Variants in MEIS2 observed in about 807,000 individuals in gnomAD.
The protein encoded by MEIS2 is homeobox protein Meis2.
A neutral mutation model predicts 58.6 loss-of-function variants in MEIS2; 9 were observed. The ratio of observed to expected loss-of-function variants is 0.15; its 90% CI spans 0.09 to 0.27. The LOEUF is 0.27. Among genes scored for constraint, MEIS2 ranks in the 10% least tolerant of loss-of-function variants. MEIS2 has a pLI of 1.00. For synonymous variants in MEIS2, 221 were observed against 228.4 expected (o/e 0.97, Z 0.29); for missense variants, 427 against 635.0 (o/e 0.67, Z 3.52).
intron 7 of MEIS2, among the ~76,000 whole-genome samples, chr15:37,063,527 TG>T (rs1889527134): frequency 6.6e-6 from 1 of 152,202 alleles, no homozygotes; most frequent in South Asian, 2.1e-4. Flanking sequence ...CACAAGCTTA[TG>T]AGGATTAAAT....
intron 8 of MEIS2, among the ~76,000 whole-genome samples, chr15:37,017,808 C>T (rs905960929): frequency 1.3e-5 from 2 of 152,282 alleles, no homozygotes; most frequent in East Asian, 1.9e-4. Context: ...TCTCACACCC[C>T]TCTTTTGTGT....
chr15:36,924,679 C>T (rs16964333), intron 9 of MEIS2, among the ~76,000 whole-genome samples: 4,659 of 152,222 alleles, frequency 0.031, 184 homozygotes, highest in African/African-American at 0.093. Flanking sequence ...CTTACGGGAG[C>T]GGACCTGCTG....
intron 8 of MEIS2, among the ~76,000 whole-genome samples, chr15:36,988,466 G>A (rs2060163988): frequency 7.0e-6 from 1 of 143,222 alleles, no homozygotes; most frequent in South Asian, 2.3e-4. Flanking sequence ...CCTTCAGACA[G>A]CAAAAATATT....
intron 9 of MEIS2, among the ~76,000 whole-genome samples, chr15:36,934,424 G>T (rs12148292): frequency 0.12 from 17,813 of 152,180 alleles, 1,113 homozygotes; most frequent in East Asian, 0.21. Context: ...TTCTCAAGAT[G>T]ATAGTTTAAT....
chr15:36,993,840 T>C (rs1247405567), intron 8 of MEIS2, among the ~76,000 whole-genome samples: 1 of 152,146 alleles, frequency 6.6e-6, no homozygotes, highest in Non-Finnish European at 1.5e-5. Context: ...TAAATTATGG[T>C]ACTAATAGAG....
intron 3 of MEIS2, chr15:37,095,821 G>A (rs1567294676): frequency 1.5e-6 from 1 of 661,998 alleles, no homozygotes; most frequent in Non-Finnish European, 2.5e-6. Context: ...GGGGGACCTG[G>A]TACGACTAAG....
intron 9 of MEIS2, among the ~76,000 whole-genome samples, chr15:36,927,884 C>G (rs1169900611): frequency 6.6e-6 from 1 of 152,042 alleles, no homozygotes; most frequent in Non-Finnish European, 1.5e-5. Context: ...TTATAAAACT[C>G]AGGTATTTAA....
intron 8 of MEIS2, among the ~76,000 whole-genome samples, chr15:37,015,821 C>T (rs2061333315): frequency 6.6e-6 from 1 of 152,064 alleles, no homozygotes; most frequent in African/African-American, 2.4e-5. Context: ...TCTAGATATC[C>T]TCGTGGTGGT....
At chr15:36,972,830 A>T (rs1330397113) in intron 8 of MEIS2, 3 of 152,184 alleles carry the variant, frequency 2.0e-5, no homozygotes, top group African/African-American at 7.2e-5. Context: ...GAAAAGCAGT[A>T]AAGCCCCGAC....
chr15:37,009,787 G>GA lies in MEIS2; in HGVS notation c.900+27026dup, dbSNP rs1006643397. On this transcript the variant is annotated intron_variant, in intron 8 of 11. Transcript: ENST00000561208. The stretch of plus-strand genomic sequence containing the variant: ...ATCTGGAGATTGAAAAGGAGGGTCT[G>GA]AAAAAAATTGATTTGGGTACAAAAA... 4.6e-5 allele frequency among the ~76,000 whole-genome samples: 7 copies of GA among 152,152 alleles called. No individual in the cohort carries two copies. The East Asian group carries it at 1.2e-3, about 25-fold the overall frequency.
At chr15:36,921,650 G>C (rs926741355) in intron 9 of MEIS2, among the ~76,000 whole-genome samples, 1 of 151,706 alleles carries the variant, frequency 6.6e-6, no homozygotes, top group African/African-American at 2.4e-5. Flanking sequence ...TTGTGTTTCA[G>C]CACCACTTAG....
intron 7 of MEIS2, among the ~76,000 whole-genome samples, chr15:37,064,003 T>G (rs1889594916): frequency 6.6e-6 from 1 of 152,186 alleles, no homozygotes; most frequent in African/African-American, 2.4e-5. Flanking sequence ...TTGTCCCATA[T>G]ATGAAAAACT....
chr15:37,088,934 T>C (rs373045688), intron 6 of MEIS2, among the ~76,000 whole-genome samples: 1 of 152,194 alleles, frequency 6.6e-6, no homozygotes, highest in Non-Finnish European at 1.5e-5. Flanking sequence ...TGATAGGGAA[T>C]GTCTATGTGG....
chr15:37,096,251 G>C, intron 3 of MEIS2, 38 bp downstream of exon 3: 2 of 1,544,874 alleles, frequency 1.3e-6, no homozygotes, highest in Non-Finnish European at 1.8e-6. Context: ...GGGGTAGTGA[G>C]GGACTGCCCG....
chr15:36,961,315 A>G (rs907617890), intron 8 of MEIS2, among the ~76,000 whole-genome samples: 5 of 151,840 alleles, frequency 3.3e-5, no homozygotes, highest in Non-Finnish European at 5.9e-5. Context: ...AAGATCATAA[A>G]CCATCTAATC....
chr15:37,056,076 C>G (rs768389615), intron 7 of MEIS2, among the ~76,000 whole-genome samples: 1 of 151,858 alleles, frequency 6.6e-6, no homozygotes, highest in Non-Finnish European at 1.5e-5. Flanking sequence ...AGGATGAGCC[C>G]GAGGAAGAAA....
chr15:37,012,434 C>T (rs2061196909), intron 8 of MEIS2, among the ~76,000 whole-genome samples: 1 of 152,186 alleles, frequency 6.6e-6, no homozygotes, highest in Admixed American at 6.5e-5. Flanking sequence ...ACTAACTGAA[C>T]CTCAGAATCT....
At chr15:37,029,872 C>G (rs1480186435) in intron 8 of MEIS2, among the ~76,000 whole-genome samples, 1 of 152,058 alleles carries the variant, frequency 6.6e-6, no homozygotes, top group African/African-American at 2.4e-5. Context: ...TTTTTAAAAA[C>G]CATTACCATG....
chr15:36,892,645 G>A (rs185234473), intron 11 of MEIS2, among the ~76,000 whole-genome samples, 186 bp from the exon 12 acceptor site: 5 of 151,608 alleles, frequency 3.3e-5, no homozygotes, highest in East Asian at 3.9e-4. Flanking sequence ...TAATTTCATC[G>A]CACAGCAGTA....
Sources: allele counts gnomAD v4.1 joint callset (sites outside exome capture counted in the v4.1 genomes callset), GRCh38; gene constraint gnomAD v4.1.1; transcripts MANE v1.5; gene names NCBI Gene and HGNC (gene_info 2026-07-23, HGNC 2026-07-21).